ENOX1: variants seen among roughly 807,000 people sequenced by gnomAD.
ENOX1 encodes candidate growth-related and time keeping constitutive hydroquinone (NADH) oxidase.
ENOX1 carries 42 observed loss-of-function variants against 82.5 expected under a neutral mutation model. The ratio of observed to expected loss-of-function variants is 0.51; its 90% CI spans 0.40 to 0.66. The LOEUF (loss-of-function observed/expected upper bound fraction) is 0.66. ENOX1 is among the 30% of genes least tolerant of loss of function. The pLI is 0.00. For missense variants in ENOX1, 608 were observed against 811.6 expected, an observed-to-expected ratio of 0.75 and a Z score of 3.05; for synonymous variants, 271 against 282.2, an observed-to-expected ratio of 0.96 and a Z score of 0.40.
At chr13:43,506,429 G>A (rs1205205933) in intron 2 of ENOX1, among the ~76,000 whole-genome samples, 27 of 146,242 alleles carry the variant, frequency 1.8e-4, no homozygotes, top group Admixed American at 3.5e-4. Context: ...TCGGTGTGGC[G>A]ATTCCTCAGG....
intron 15 of ENOX1, 145 bp from the exon 16 acceptor site, chr13:43,224,283 A>G: frequency 1.6e-6 from 1 of 635,848 alleles, no homozygotes; most frequent in Non-Finnish European, 2.8e-6. Flanking sequence ...GCATTCAATA[A>G]TAGCACATTC....
chr13:43,324,698 T>C (rs143503496), intron 10 of ENOX1, among the ~76,000 whole-genome samples: 1 of 152,286 alleles, frequency 6.6e-6, no homozygotes, highest in Non-Finnish European at 1.5e-5. Flanking sequence ...GCACTCCATC[T>C]GTCCTTCTGG....
At chr13:43,747,032 C>T (rs1372430994) in intron 1 of ENOX1, among the ~76,000 whole-genome samples, 1 of 152,170 alleles carries the variant, frequency 6.6e-6, no homozygotes, top group East Asian at 1.9e-4. Context: ...ATTGGGACCT[C>T]CCCTCCAGTT....
chr13:43,332,880 T>C (rs1249978306), intron 9 of ENOX1, among the ~76,000 whole-genome samples: 6 of 151,884 alleles, frequency 4.0e-5, no homozygotes, highest in Non-Finnish European at 7.4e-5. Context: ...AAAAAAAAAG[T>C]CTACCTTCCC....
At chr13:43,658,706 A>G (rs2084565685) in intron 2 of ENOX1, among the ~76,000 whole-genome samples, 1 of 152,144 alleles carries the variant, frequency 6.6e-6, no homozygotes, top group Non-Finnish European at 1.5e-5. Flanking sequence ...TACCTACTGC[A>G]ATTTAGATCA....
rs565530078 is a variant in ENOX1, at chr13:43,462,853, C to A, written c.-75+21156G>T. Among the ~76,000 whole-genome samples, 4 of 151,158 alleles carry A rather than the reference C, an allele frequency of 2.6e-5. No homozygotes were observed. The South Asian group carries it at 8.4e-4, about 32-fold the overall frequency. The stretch of plus-strand genomic sequence containing the variant: ...CTGCTAAGTGTGGTTTGGATTTTTC[C>A]AAAGGGAACTTCTCAACTTTCTCTG... On this transcript the variant is annotated intron_variant, in intron 3 of 16. Coordinates refer to ENST00000690772, the MANE Select transcript of ENOX1 (RefSeq NM_001347969.2).
At chr13:43,614,754 G>C (rs1475203773) in intron 2 of ENOX1, among the ~76,000 whole-genome samples, 1 of 152,056 alleles carries the variant, frequency 6.6e-6, no homozygotes, top group East Asian at 1.9e-4. Flanking sequence ...AGGTCTGGGA[G>C]GAGCCCCCCA....
At chr13:43,484,174 C>T (rs1157749955) in intron 2 of ENOX1, 22 bp from the exon 3 acceptor site, 1 of 984,710 alleles carries the variant, frequency 1.0e-6, no homozygotes, top group Non-Finnish European at 1.2e-6. Context: ...GAAAAGCACA[C>T]CGTTAGGATA....
intron 1 of ENOX1, among the ~76,000 whole-genome samples, chr13:43,741,146 G>T (rs531081696): frequency 6.7e-6 from 1 of 148,922 alleles, no homozygotes; most frequent in African/African-American, 2.5e-5. Flanking sequence ...GTGCAATGGC[G>T]TGATCTCAGC....
chr13:43,581,613 T>C (rs1566571167), intron 2 of ENOX1, among the ~76,000 whole-genome samples: 1 of 152,208 alleles, frequency 6.6e-6, no homozygotes, highest in Non-Finnish European at 1.5e-5. Context: ...AAAAACATTT[T>C]CCAAACATCA....
chr13:43,765,471 T>C (rs1320045785), intron 1 of ENOX1, among the ~76,000 whole-genome samples: 2 of 152,072 alleles, frequency 1.3e-5, no homozygotes, highest in Admixed American at 1.3e-4. Flanking sequence ...GCACCCCAAC[T>C]CCCTTGTCAG....
chr13:43,356,804 G>C (rs1357791959), intron 7 of ENOX1, among the ~76,000 whole-genome samples: 1 of 151,770 alleles, frequency 6.6e-6, no homozygotes, highest in African/African-American at 2.4e-5. Context: ...TTTTACCTTC[G>C]ATCAAGAGGC....
chr13:43,355,071 A>G (rs1594109509), intron 8 of ENOX1, among the ~76,000 whole-genome samples: 2 of 152,166 alleles, frequency 1.3e-5, no homozygotes, highest in Non-Finnish European at 2.9e-5. Flanking sequence ...TGTGACTTAC[A>G]TTCTCTCATC....
At chr13:43,689,720 C>T (rs1020071285) in intron 1 of ENOX1, among the ~76,000 whole-genome samples, 1 of 152,144 alleles carries the variant, frequency 6.6e-6, no homozygotes, top group African/African-American at 2.4e-5. Flanking sequence ...TGATCTTATA[C>T]ACATATGAAC....
intron 3 of ENOX1, among the ~76,000 whole-genome samples, chr13:43,476,750 A>T (rs2058300705): frequency 6.6e-6 from 1 of 152,324 alleles, no homozygotes; most frequent in Admixed American, 6.5e-5. Context: ...AACAGAAACA[A>T]CAAAACAGAA....
chr13:43,540,317 T>C (rs1201052084), intron 2 of ENOX1, among the ~76,000 whole-genome samples: 2 of 152,232 alleles, frequency 1.3e-5, no homozygotes, highest in African/African-American at 4.8e-5. Context: ...ATATGAGATT[T>C]GTACAAGTGC....
intron 1 of ENOX1, among the ~76,000 whole-genome samples, chr13:43,679,056 T>A (rs923825046): frequency 1.3e-5 from 2 of 152,210 alleles, no homozygotes; most frequent in African/African-American, 4.8e-5. Flanking sequence ...TTTTAGGCAC[T>A]AATACTCTCT....
At chr13:43,591,082 G>A (rs1401848233) in intron 2 of ENOX1, among the ~76,000 whole-genome samples, 2 of 152,144 alleles carry the variant, frequency 1.3e-5, no homozygotes, top group Admixed American at 6.5e-5. Context: ...ATTTAGCACT[G>A]TATTTGAAGA....
intron 3 of ENOX1, among the ~76,000 whole-genome samples, chr13:43,480,940 C>T (rs527956052): frequency 6.6e-6 from 1 of 152,236 alleles, no homozygotes; most frequent in African/African-American, 2.4e-5. Context: ...AATGCTAATC[C>T]TTCTCAAACT....
Sources: gnomAD v4.1 joint callset for allele counts (sites outside exome capture counted in the v4.1 genomes callset) on GRCh38, gnomAD v4.1.1 for gene constraint, MANE v1.5 for transcripts, NCBI Gene and HGNC (gene_info 2026-07-23, HGNC 2026-07-21) for gene names.